Variants in CRB1 observed in about 807,000 individuals in gnomAD.
CRB1 encodes the protein protein crumbs homolog 1.
CRB1 carries 83 observed loss-of-function variants against 120.0 expected under a neutral mutation model. The ratio of observed to expected loss-of-function variants is 0.69; its 90% CI spans 0.58 to 0.83. The LOEUF is 0.83. CRB1 is among the 40% of genes least tolerant of loss of function. CRB1 has a pLI of 0.00. For synonymous variants in CRB1, 625 were observed against 612.5 expected (o/e 1.02, Z -0.30); for missense variants, 1,699 against 1,687.6 (o/e 1.01, Z -0.12).
chr1:197,427,500 C>A lies in CRB1; in HGVS notation c.2175C>A (p.Val725=), dbSNP rs1021271157. ...GCCAGGATGACTCCACTGGTTATGT[C>A]ATCTTTACTCTTGATGAGAGCTATG... is the stretch of plus-strand genomic sequence containing the variant. ...RFGQDDSTGY[V]IFTLDESYGD... The change falls in exon 7 of 12, where the codon GTC becomes GTA. Residue 725 remains valine, a synonymous_variant. Transcript: ENST00000367400. 1 of 1,613,684 alleles carries A rather than the reference C, an allele frequency of 6.2e-7. No homozygotes were observed. Among genetic ancestry groups the A allele is most frequent in the African/African-American group, 1.3e-5 (1 of 74,824 alleles).
chr1:197,248,597 T>C, the CRB1 span, among the ~76,000 whole-genome samples: 3 of 151,956 alleles, frequency 2.0e-5, no homozygotes, highest in African/African-American at 7.2e-5. Flanking sequence ...CTCTGTTTAT[T>C]ATAACAAAAA....
At chr1:197,222,862 G>C in the CRB1 span, 1 of 1,509,646 alleles carries the variant, frequency 6.6e-7, no homozygotes, top group Non-Finnish European at 9.2e-7. Flanking sequence ...GAGCTGGCAG[G>C]TTTGGATGAA....
chr1:197,290,264 T>TTGTG (rs1656090585), intron 1 of CRB1, among the ~76,000 whole-genome samples: 1 of 89,604 alleles, frequency 1.1e-5, no homozygotes, highest in Non-Finnish European at 2.2e-5. Flanking sequence ...ATGTTCCCTT[T>TTGTG]CGTGTGTGTG....
At chr1:197,234,910 T>A in the CRB1 span, among the ~76,000 whole-genome samples, 1 of 152,242 alleles carries the variant, frequency 6.6e-6, no homozygotes, top group African/African-American at 2.4e-5. Context: ...AATGGGCACA[T>A]GCTCTTAGAA....
At chr1:197,376,059 A>C (rs1240754138) in intron 5 of CRB1, among the ~76,000 whole-genome samples, 1 of 152,106 alleles carries the variant, frequency 6.6e-6, no homozygotes, top group East Asian at 1.9e-4. Context: ...TGCTGGATAT[A>C]ATTTCTTTAT....
At chr1:197,354,809 TGCCCCCCG>T (rs1660352746) in intron 4 of CRB1, among the ~76,000 whole-genome samples, 3 of 19,810 alleles carry the variant, frequency 1.5e-4, no homozygotes, top group African/African-American at 3.4e-4. Context: ...TTCCCTTATC[TGCCCCCCG>T]CCCCCCCACC....
chr1:197,451,933 T>A (rs1180056677), intron 11 of CRB1, among the ~76,000 whole-genome samples: 1 of 152,216 alleles, frequency 6.6e-6, no homozygotes, highest in African/African-American at 2.4e-5. Flanking sequence ...TGCAAATATT[T>A]GACATTTTGA....
chr1:197,428,226 A>G (rs1382845986), intron 7 of CRB1, among the ~76,000 whole-genome samples: 1 of 152,190 alleles, frequency 6.6e-6, no homozygotes, highest in Non-Finnish European at 1.5e-5. Context: ...TTAACTAACC[A>G]AAGTAACTTC....
At chr1:197,333,355 G>A (rs1658973339) in intron 2 of CRB1, among the ~76,000 whole-genome samples, 1 of 152,188 alleles carries the variant, frequency 6.6e-6, no homozygotes, top group African/African-American at 2.4e-5. Flanking sequence ...GTAAGTGGAT[G>A]CAAACTTTTT....
intron 1 of CRB1, among the ~76,000 whole-genome samples, chr1:197,282,527 A>G (rs1401447512): frequency 6.6e-6 from 1 of 151,872 alleles, no homozygotes; most frequent in African/African-American, 2.4e-5. Flanking sequence ...TATTAACCAA[A>G]TTTGCACGTT....
chr1:197,257,446 T>C, the CRB1 span, among the ~76,000 whole-genome samples: 1 of 152,132 alleles, frequency 6.6e-6, no homozygotes, highest in African/African-American at 2.4e-5. Context: ...CAATTAACCA[T>C]CACAAGTCTC....
intron 5 of CRB1, among the ~76,000 whole-genome samples, chr1:197,405,250 A>AT (rs949370266): frequency 1.3e-5 from 2 of 151,744 alleles, no homozygotes; most frequent in African/African-American, 4.8e-5. Flanking sequence ...TGGTTTTCTT[A>AT]TTTTTTTGGT....
intron 11 of CRB1, among the ~76,000 whole-genome samples, chr1:197,473,837 T>A (rs1434597450): frequency 6.6e-6 from 1 of 150,656 alleles, no homozygotes; most frequent in African/African-American, 2.5e-5. Context: ...TTAAGCACAG[T>A]TGAAGAATAG....
chr1:197,391,323 G>T (rs1662495286), intron 5 of CRB1, among the ~76,000 whole-genome samples: 1 of 152,064 alleles, frequency 6.6e-6, no homozygotes, highest in Non-Finnish European at 1.5e-5. Context: ...GATCCCACAG[G>T]CTAATTTCAA....
In CRB1 at chr1:197,477,972, G is replaced by A. The variant is rs1571646192; in HGVS notation, c.*93G>A. ...CTGACATACCTGACAATGTTAATCT[G>A]CAACTGGGATTACACTGGAACTACA... is the stretch of plus-strand genomic sequence containing the variant. On this transcript the variant is annotated 3_prime_UTR_variant, in exon 12 of 12. Coordinates refer to ENST00000367400, the MANE Select transcript of CRB1 (RefSeq NM_201253.3). The A allele has an allele frequency of 8.0e-7, 1 of 1,254,478 alleles. No individual in the cohort carries two copies. Among genetic ancestry groups the A allele is most frequent in the Non-Finnish European group, 1.2e-6 (1 of 856,510 alleles). 77.7% of individuals were successfully genotyped at this position (1,254,478 alleles called of 1,614,324 possible). A position where few individuals can be genotyped will look rare whatever the true frequency, so the allele number is the denominator to read the frequency against.
At chr1:197,365,626 C>CTTTTTTTTT (rs375542477) in intron 5 of CRB1, among the ~76,000 whole-genome samples, 2 of 121,886 alleles carry the variant, frequency 1.6e-5, no homozygotes, top group African/African-American at 7.1e-5. Context: ...TCTTCTTCTT[C>CTTTTTTTTT]TTTTTTTTTT....
intron 1 of CRB1, among the ~76,000 whole-genome samples, chr1:197,296,262 G>A (rs1656513318): frequency 6.6e-6 from 1 of 151,970 alleles, no homozygotes; most frequent in Non-Finnish European, 1.5e-5. Context: ...CTTACCAGAT[G>A]TTTTGCCTCA....
intron 11 of CRB1, among the ~76,000 whole-genome samples, chr1:197,449,073 G>T (rs191820513): frequency 2.0e-5 from 3 of 152,164 alleles, no homozygotes; most frequent in African/African-American, 4.8e-5. Context: ...ATTCATAGTG[G>T]TATTTACAAC....
intron 11 of CRB1, among the ~76,000 whole-genome samples, chr1:197,476,511 A>C (rs1402695269): frequency 6.6e-6 from 1 of 152,128 alleles, no homozygotes; most frequent in Non-Finnish European, 1.5e-5. Flanking sequence ...ATGGTCAATA[A>C]GTATTGCTGA....
Sources: allele counts gnomAD v4.1 joint callset (sites outside exome capture counted in the v4.1 genomes callset), GRCh38; gene constraint gnomAD v4.1.1; transcripts MANE v1.5; gene names NCBI Gene and HGNC (gene_info 2026-07-23, HGNC 2026-07-21).